Variants in TMEM62 observed in about 807,000 individuals in gnomAD.
TMEM62 encodes transmembrane protein 62.
TMEM62 carries 41 observed loss-of-function variants against 70.4 expected under a neutral mutation model. That is an observed-to-expected ratio of 0.58 (90% CI 0.45 to 0.76). TMEM62 has a LOEUF of 0.76. TMEM62 is among the 30% of genes least tolerant of loss of function. The probability of loss-of-function intolerance (pLI) is 0.00; values close to 1 mark genes in which losing one functional copy is unlikely to be tolerated. For missense variants in TMEM62, 688 were observed against 788.5 expected (o/e 0.87, Z 1.53); for synonymous variants, 268 against 291.0 (o/e 0.92, Z 0.80).
chr15:43,138,689 T>G (rs1349378584), intron 4 of TMEM62, 70 bp downstream of exon 4: 1 of 1,260,314 alleles, frequency 7.9e-7, no homozygotes, highest in African/African-American at 1.5e-5. Flanking sequence ...GTCAACTCAA[T>G]GAATGAGAGA....
chr15:43,150,223 C>T (rs1322326573), intron 7 of TMEM62, among the ~76,000 whole-genome samples: 2 of 152,194 alleles, frequency 1.3e-5, no homozygotes, highest in African/African-American at 2.4e-5. Flanking sequence ...ATGCTTGAAA[C>T]GTGTAATTAT....
At chr15:43,144,307 C>T (rs896721295) in intron 4 of TMEM62, among the ~76,000 whole-genome samples, 1 of 152,176 alleles carries the variant, frequency 6.6e-6, no homozygotes, top group South Asian at 2.1e-4. Context: ...AACATTCATA[C>T]TGAGGACTAG....
chr15:43,148,843 T>C lies in TMEM62; in HGVS notation c.707T>C (p.Ile236Thr), dbSNP rs754766675. 1 of 1,613,986 alleles carries C rather than the reference T, an allele frequency of 6.2e-7. No individual in the cohort carries two copies. The highest frequency in any genetic ancestry group is 8.5e-7 in the Non-Finnish European group (1 of 1,179,972). Reference sequence around the variant, plus strand: ...TTTGGACACTTTACAACATCCACTATTCTTTCTCCATCACCAGGAATCCGG... The same window carrying C: ...TTTGGACACTTTACAACATCCACTACTCTTTCTCCATCACCAGGAATCCGG... ...IWFGHFTTST[I>T]LSPSPGIRSI... is the part of the protein sequence containing the mutation. The change falls in exon 6 of 14, where the codon ATT (isoleucine) becomes ACT (threonine). Residue 236 changes from isoleucine (I) to threonine (T), a missense_variant. Physicochemically the swap from Ile to Thr is moderately conservative, Grantham distance 89. Transcript: ENST00000260403.
At position 43,146,485 on chromosome 15, in the gene TMEM62, T is replaced by A; in HGVS notation, c.477-8T>A. The A allele has an allele frequency of 6.2e-7, 1 of 1,604,706 alleles. No individual in the cohort carries two copies. Among genetic ancestry groups the A allele is most frequent in the Non-Finnish European group, 8.5e-7 (1 of 1,176,934 alleles). On this transcript the variant is annotated splice_region_variant and splice_polypyrimidine_tract_variant and intron_variant, in intron 4 of 13. Transcript: ENST00000260403. Reference sequence around the variant, plus strand: ...TACACTAACACCCTCCTGTCTTCTATTTTTTAGGAAATATTCTGCTGTACG... The same window carrying A: ...TACACTAACACCCTCCTGTCTTCTAATTTTTAGGAAATATTCTGCTGTACG...
At chr15:43,177,079 G>C (rs2040837908) in intron 11 of TMEM62, among the ~76,000 whole-genome samples, 1 of 152,070 alleles carries the variant, frequency 6.6e-6, no homozygotes, top group South Asian at 2.1e-4. Flanking sequence ...CTGGAAGAAA[G>C]GGTATCAGCG....
intron 4 of TMEM62, among the ~76,000 whole-genome samples, chr15:43,142,155 A>G (rs2036104030): frequency 7.0e-6 from 1 of 142,594 alleles, no homozygotes; most frequent in Non-Finnish European, 1.5e-5. Context: ...TGCATGCTAT[A>G]GAGAAATTCT....
intron 3 of TMEM62, 133 bp downstream of exon 3, chr15:43,135,782 CA>C (rs1471368166): frequency 2.0e-5 from 21 of 1,042,528 alleles, no homozygotes; most frequent in Non-Finnish European, 2.7e-5. Flanking sequence ...CTCTGAAATA[CA>C]ACTATATAAT....
At position 43,151,767 on chromosome 15, in the gene TMEM62, C is replaced by T. The variant is rs553852381; in HGVS notation, c.867-23C>T. 9.3e-6 allele frequency: 15 copies of T among 1,607,958 alleles called. No homozygotes were observed. The South Asian group carries it at 1.6e-4, about 17-fold the overall frequency. On this transcript the variant is annotated intron_variant, in intron 7 of 13. Coordinates refer to ENST00000260403, the MANE Select transcript of TMEM62 (RefSeq NM_024956.4). ...CTTACAATGTGAAGTGACTAAATTACCTTATCATTATCTGGTCTTTAGGTA... is the reference window on the plus strand; with the variant it reads ...CTTACAATGTGAAGTGACTAAATTATCTTATCATTATCTGGTCTTTAGGTA...
rs1379819605 is a variant in TMEM62, at chr15:43,183,958, C to T, written c.1606-302C>T. 2.6e-5 allele frequency: 10 copies of T among 382,516 alleles called. No homozygotes were observed. The East Asian group carries it at 4.1e-4, about 16-fold the overall frequency. 23.7% of individuals were successfully genotyped at this position (382,516 alleles called of 1,614,324 possible). On this transcript the variant is annotated intron_variant, in intron 13 of 13. Coordinates refer to ENST00000260403, the MANE Select transcript of TMEM62 (RefSeq NM_024956.4). ...AGGGGTTGTTGTATGTGTGTGTATA[C>T]ATTTACTCAGTTCAATTCCAGCTTA...
At chr15:43,146,696 C>T in intron 5 of TMEM62, 62 bp downstream of exon 5, 1 of 1,384,620 alleles carries the variant, frequency 7.2e-7, no homozygotes, top group Non-Finnish European at 9.7e-7. Context: ...ACGTGTGGAT[C>T]ACTTAAAGTT....
At chr15:43,177,203 G>A (rs114045253) in intron 11 of TMEM62, among the ~76,000 whole-genome samples, 6,386 of 152,064 alleles carry the variant, frequency 0.042, 489 homozygotes, top group African/African-American at 0.14. Context: ...GACCAAATCT[G>A]CTATGTGAAA....
chr15:43,181,974 T>G (rs892639072), intron 13 of TMEM62, among the ~76,000 whole-genome samples: 6 of 152,126 alleles, frequency 3.9e-5, no homozygotes, highest in Non-Finnish European at 7.4e-5. Context: ...GGAAAATATT[T>G]TAGAGGGAGG....
At chr15:43,163,782 A>AG (rs1251315427) in intron 10 of TMEM62, among the ~76,000 whole-genome samples, 4 of 2,666 alleles carry the variant, frequency 1.5e-3, no homozygotes, top group Non-Finnish European at 2.9e-3. Flanking sequence ...ACTCCGTCTC[A>AG]AAAAAAAAAC....
At chr15:43,174,215 C>T (rs550874255) in intron 11 of TMEM62, among the ~76,000 whole-genome samples, 1 of 152,218 alleles carries the variant, frequency 6.6e-6, no homozygotes, top group East Asian at 1.9e-4. Flanking sequence ...CCACAGCCCC[C>T]AGCACCAAAT....
chr15:43,154,118 T>C (rs2037745878), intron 8 of TMEM62, among the ~76,000 whole-genome samples: 1 of 152,244 alleles, frequency 6.6e-6, no homozygotes, highest in Non-Finnish European at 1.5e-5. Flanking sequence ...CCAAGATGTT[T>C]ACATTTATTG....
chr15:43,133,629 G>T lies in TMEM62; in HGVS notation c.-174G>T, dbSNP rs1035508350. ...GGGCAGGTGCTGGGCGGCGGCTGACGGGCGCAGCACCCTAGGCCCAGTGTC... is the reference window on the plus strand; with the variant it reads ...GGGCAGGTGCTGGGCGGCGGCTGACTGGCGCAGCACCCTAGGCCCAGTGTC... On this transcript the variant is annotated 5_prime_UTR_variant, in exon 1 of 14. Transcript: ENST00000260403. 4 of 419,522 alleles carry T rather than the reference G, an allele frequency of 9.5e-6. No homozygotes were observed. Among genetic ancestry groups the T allele is most frequent in the Non-Finnish European group, 1.6e-5 (4 of 250,522 alleles). 26.0% of individuals were successfully genotyped at this position (419,522 alleles called of 1,614,324 possible).
At chr15:43,136,736 C>T (rs556126683) in intron 3 of TMEM62, among the ~76,000 whole-genome samples, 3 of 151,820 alleles carry the variant, frequency 2.0e-5, no homozygotes, top group South Asian at 2.1e-4. Context: ...GGATTACAGG[C>T]GTGAGCCACC....
chr15:43,182,525 C>T (rs1273852250), intron 13 of TMEM62, among the ~76,000 whole-genome samples: 2 of 150,930 alleles, frequency 1.3e-5, no homozygotes, highest in African/African-American at 4.9e-5. Context: ...ATCGTCTCGG[C>T]TCACTGCAAC....
intron 10 of TMEM62, among the ~76,000 whole-genome samples, chr15:43,163,276 T>A (rs1273475082): frequency 6.6e-6 from 1 of 152,176 alleles, no homozygotes; most frequent in Non-Finnish European, 1.5e-5. Flanking sequence ...TAGTGTATAT[T>A]CTCACGGACT....
Sources: allele counts gnomAD v4.1 joint callset (sites outside exome capture counted in the v4.1 genomes callset), GRCh38; gene constraint gnomAD v4.1.1; transcripts MANE v1.5; gene names NCBI Gene and HGNC (gene_info 2026-07-23, HGNC 2026-07-21).